Variants in PPP1CA observed in about 807,000 individuals in gnomAD.
PPP1CA encodes the protein serine/threonine-protein phosphatase PP1-alpha catalytic subunit.
In PPP1CA, 14 loss-of-function variants were observed where a neutral mutation model predicts 38.5. That is an observed-to-expected ratio of 0.36 (90% CI 0.24 to 0.57). The LOEUF (loss-of-function observed/expected upper bound fraction) is 0.57, where lower values mean the gene tolerates loss of function less well. Ranked by LOEUF, PPP1CA falls within the 20% of genes least tolerant of loss-of-function variation. PPP1CA has a pLI of 0.80. For synonymous variants in PPP1CA, 200 were observed against 177.3 expected, an observed-to-expected ratio of 1.13 and a Z score of -1.02; for missense variants, 277 against 435.2, an observed-to-expected ratio of 0.64 and a Z score of 3.23.
chr11:67,398,183 G>A lies in PPP1CA; in HGVS notation c.*352C>T, dbSNP rs561521269. On this transcript the variant is annotated 3_prime_UTR_variant, in exon 7 of 7. Transcript: ENST00000376745. ...TTAGATGTGAGACGGAGGCCATGGC[G>A]AGAATCCAGCTTTGACCTTTATTCA... 14 of 306,274 alleles carry A rather than the reference G, an allele frequency of 4.6e-5. No homozygotes were observed. In the East Asian group the frequency reaches 8.4e-4, roughly 18 times the overall value. 19.0% of individuals were successfully genotyped at this position (306,274 alleles called of 1,614,324 possible). A position where few individuals can be genotyped will look rare whatever the true frequency, so the allele number is the denominator to read the frequency against.
At chr11:67,398,677 G>A in intron 6 of PPP1CA, 32 bp from the exon 7 acceptor site, 3 of 1,613,442 alleles carry the variant, frequency 1.9e-6, no homozygotes, top group Non-Finnish European at 2.5e-6. Flanking sequence ...AGGCTCATGG[G>A]GCTGAGCCAC....
In PPP1CA at chr11:67,399,129, A is replaced by C. The variant is rs1268181440; in HGVS notation, c.558T>G (p.Ile186Met). ...LSPDLQSMEQ[I>M]RRIMRPTDVP... is the part of the protein sequence containing the mutation. ...CATCTGTGGGCCGCATGATCCGCCGAATCTGCTCCATAGACTGCAGGTCCG... is the reference window on the plus strand; with the variant it reads ...CATCTGTGGGCCGCATGATCCGCCGCATCTGCTCCATAGACTGCAGGTCCG... Residue 186 changes from isoleucine to methionine, a missense_variant, in exon 5 of 7, where the codon ATT (isoleucine) becomes ATG (methionine). Around this residue, in one of 3 missense-constraint regions of PPP1CA, gnomAD observed 180 missense variants for 356.7 expected, o/e 0.50. Transcript: ENST00000376745. 7.4e-6 allele frequency: 12 copies of C among 1,613,356 alleles called. No homozygotes were observed. The highest frequency in any genetic ancestry group is 1.0e-5 in the Non-Finnish European group (12 of 1,180,022).
rs1220412849 is a variant in PPP1CA at position 67,401,841 on chromosome 11, G to A, written c.-59C>T. 9 of 1,314,276 alleles carry A rather than the reference G, an allele frequency of 6.8e-6. No individual in the cohort carries two copies. In the East Asian group the frequency reaches 1.3e-4, roughly 19 times the overall value. The allele number at this position is 1,314,276 out of a possible 1,614,324, so 81.4% of individuals were successfully genotyped here. ...GCCCGCTCCTGCCTCCCGCCCTCCG[G>A]CAGCCTCCTTCCGGCCTGGCTCTCC... On this transcript the variant is annotated 5_prime_UTR_variant, in exon 1 of 7. Transcript: ENST00000376745.
chr11:67,401,291 G>C (rs1862883663), intron 1 of PPP1CA, 92 bp from the exon 2 acceptor site: 1 of 1,576,714 alleles, frequency 6.3e-7, no homozygotes, highest in African/African-American at 1.3e-5. Context: ...GGGGCGCCTA[G>C]GCCTCCTCGG....
Position 67,398,493 on chromosome 11 carries a change from A to G in PPP1CA, c.*42T>C. The G allele has an allele frequency of 6.3e-7, 1 of 1,587,660 alleles. No individual in the cohort carries two copies. Among genetic ancestry groups the G allele is most frequent in the Admixed American group, 1.7e-5 (1 of 59,190 alleles). ...CCCAGCATGGCAGCATGATTTCTGT[A>G]CAATCAATCCATCATCTGGGGCACA... On this transcript the variant is annotated 3_prime_UTR_variant, in exon 7 of 7. Coordinates refer to ENST00000376745, the MANE Select transcript of PPP1CA (RefSeq NM_002708.4).
Position 67,400,874 on chromosome 11 carries a change from T to G in PPP1CA, c.233A>C (p.Tyr78Ser). 1 of 1,614,090 alleles carries G rather than the reference T, an allele frequency of 6.2e-7. No homozygotes were observed. Among genetic ancestry groups the G allele is most frequent in the Non-Finnish European group, 8.5e-7 (1 of 1,180,006 alleles). ...QYYDLLRLFE[Y>S]GGFPPESNYL... The stretch of plus-strand genomic sequence containing the variant: ...GTTGCTCTCGGGAGGGAAACCGCCA[T>G]ACTCAAATAGTCGCAGAAGGTCGTA... Residue 78 changes from tyrosine (Y) to serine (S), a missense_variant, in exon 3 of 7, where the codon TAT (tyrosine) becomes TCT (serine). Physicochemically the swap from Tyr to Ser is moderately radical, Grantham distance 144 (BLOSUM62 -2). This residue lies in a region of PPP1CA where 180 missense variants were observed against 356.7 expected (regional missense o/e 0.50). Transcript: ENST00000376745.
At chr11:67,401,017 G>A (rs1456515836) in intron 2 of PPP1CA, 51 bp downstream of exon 2, 2 of 1,610,536 alleles carry the variant, frequency 1.2e-6, no homozygotes, top group Non-Finnish European at 1.7e-6. Context: ...GAACTCTGTG[G>A]GGTCCAGTGC....
chr11:67,401,490 C>G (rs1646625344), intron 1 of PPP1CA: 1 of 588,628 alleles, frequency 1.7e-6, no homozygotes, highest in Admixed American at 3.3e-5. Context: ...CTCCCTCGCC[C>G]CAAGAGCCCA....
At chr11:67,399,446 G>GA in intron 4 of PPP1CA, 115 bp downstream of exon 4, 1 of 910,496 alleles carries the variant, frequency 1.1e-6, no homozygotes, top group Non-Finnish European at 1.7e-6. Context: ...CAGCACAGTG[G>GA]GGTATGGGGG....
At position 67,398,353 on chromosome 11, in the gene PPP1CA, A is replaced by C; in HGVS notation, c.*182T>G. 1 of 653,298 alleles carries C rather than the reference A, an allele frequency of 1.5e-6. No individual in the cohort carries two copies. The highest frequency in any genetic ancestry group is 2.6e-6 in the Non-Finnish European group (1 of 391,786). 40.5% of individuals were successfully genotyped at this position (653,298 alleles called of 1,614,324 possible). A position where few individuals can be genotyped will look rare whatever the true frequency, so the allele number is the denominator to read the frequency against. ...ACAGTCACCGCAGGTGCAGGCAGGA[A>C]GCAGCCCTGGGGGACTGGACGCTGC... On this transcript the variant is annotated 3_prime_UTR_variant, in exon 7 of 7. Transcript: ENST00000376745.
chr11:67,398,796 G>A lies in PPP1CA; in HGVS notation c.808C>T (p.Pro270Ser), dbSNP rs779839364. The change falls in exon 6 of 7, where the codon CCC becomes TCC. Residue 270 changes from proline to serine, a missense_variant. Transcript: ENST00000376745. ...KRQLVTLFSA[P>S]NYCGEFDNAG... ...TTGTCAAACTCGCCACAGTAGTTGG[G>A]AGCTGAGAAAAGTGTCACCAGCTGC... 8.7e-6 allele frequency: 14 copies of A among 1,613,708 alleles called. No homozygotes were observed. Among genetic ancestry groups the A allele is most frequent in the Non-Finnish European group, 6.8e-6 (8 of 1,180,028 alleles).
Position 67,399,665 on chromosome 11 carries a change from C to G in PPP1CA, c.419G>C (p.Cys140Ser). 7 of 1,611,960 alleles carry G rather than the reference C, an allele frequency of 4.3e-6. No homozygotes were observed. Among genetic ancestry groups the G allele is most frequent in the Non-Finnish European group, 5.9e-6 (7 of 1,178,894 alleles). Residue 140 changes from cysteine to serine, a missense_variant and splice_region_variant, in exon 4 of 7, where the codon TGC becomes TCC. Transcript: ENST00000376745. ...CAGTTTGATGTTGTAGCGTCTCTTG[C>G]CTGCCCAGGGGGAGGTGGCTGTGAG... ...INRIYGFYDE[C>S]KRRYNIKLWK... is the part of the protein sequence containing the mutation.
rs1862836742 is a variant in PPP1CA at position 67,399,677 on chromosome 11, G to T, written c.419-12C>A. On this transcript the variant is annotated splice_polypyrimidine_tract_variant and intron_variant, in intron 3 of 6. Transcript: ENST00000376745. Reference sequence around the variant, plus strand: ...GTAGCGTCTCTTGCCTGCCCAGGGGGAGGTGGCTGTGAGGTGCCTGCCTAC... The same window carrying T: ...GTAGCGTCTCTTGCCTGCCCAGGGGTAGGTGGCTGTGAGGTGCCTGCCTAC... The T allele has an allele frequency of 1.2e-6, 2 of 1,607,350 alleles. No individual in the cohort carries two copies. The highest frequency in any genetic ancestry group is 2.2e-5 in the South Asian group (2 of 90,258).
intron 3 of PPP1CA, 78 bp downstream of exon 3, chr11:67,400,611 G>T: frequency 7.3e-7 from 1 of 1,378,106 alleles, no homozygotes; most frequent in African/African-American, 1.4e-5. Flanking sequence ...TCAGATATCA[G>T]GCCAATGTGA....
rs1862800702 is a variant in PPP1CA at position 67,398,656 on chromosome 11, C to G, written c.883-11G>C. 1 of 1,613,698 alleles carries G rather than the reference C, an allele frequency of 6.2e-7. No individual in the cohort carries two copies. The highest frequency in any genetic ancestry group is 1.7e-5 in the Admixed American group (1 of 59,986). On this transcript the variant is annotated splice_polypyrimidine_tract_variant and intron_variant, in intron 6 of 6. Transcript: ENST00000376745. ...GGCGGGCTTGAGGATCTAAAAGAGA[C>G]AGTGTTGGTCAGGCTCATGGGGCTG...
At chr11:67,399,462 TC>T in intron 4 of PPP1CA, 98 bp downstream of exon 4, 6 of 1,096,724 alleles carry the variant, frequency 5.5e-6, no homozygotes, top group Non-Finnish European at 8.2e-6. Flanking sequence ...GGGGGACACT[TC>T]CTGGAAGGAG....
intron 1 of PPP1CA, chr11:67,401,483 C>T (rs947997774): frequency 1.7e-6 from 1 of 595,210 alleles, no homozygotes; most frequent in Non-Finnish European, 2.8e-6. Context: ...CGGGTTTCTC[C>T]CTCGCCCCAA....
chr11:67,400,195 A>G (rs2134984592), intron 3 of PPP1CA, among the ~76,000 whole-genome samples: 1 of 152,272 alleles, frequency 6.6e-6, no homozygotes, highest in South Asian at 2.1e-4. Flanking sequence ...CAGTGGCAAG[A>G]TCATAGCTCA....
chr11:67,399,219 G>A (rs985220853), intron 4 of PPP1CA, 56 bp from the exon 5 acceptor site: 4 of 1,522,344 alleles, frequency 2.6e-6, no homozygotes, highest in African/African-American at 2.7e-5. Context: ...CCTCCAGGAA[G>A]CCTTGGCCAA....
Sources: allele counts gnomAD v4.1 joint callset (sites outside exome capture counted in the v4.1 genomes callset), GRCh38; gene constraint gnomAD v4.1.1; regional missense constraint gnomAD v4.1.1; transcripts MANE v1.5; gene names NCBI Gene and HGNC (gene_info 2026-07-23, HGNC 2026-07-21).